ELMO1: variants seen among roughly 807,000 people sequenced by gnomAD.
ELMO1 encodes engulfment and cell motility protein 1.
A neutral mutation model predicts 98.9 loss-of-function variants in ELMO1; 26 were observed. That is an observed-to-expected ratio of 0.26 (90% CI 0.19 to 0.36). ELMO1 has a LOEUF of 0.36. Among genes scored for constraint, ELMO1 ranks in the 10% least tolerant of loss-of-function variants. The pLI, the probability that ELMO1 is intolerant of heterozygous loss-of-function variation, is 1.00. For missense variants in ELMO1, 627 were observed against 935.2 expected (o/e 0.67, Z 4.30); for synonymous variants, 346 against 346.0 (o/e 1.00, Z 0.00).
chr7:37,192,952 T>TA (rs1167236103), intron 13 of ELMO1, among the ~76,000 whole-genome samples: 1 of 138,232 alleles, frequency 7.2e-6, no homozygotes, highest in Non-Finnish European at 1.5e-5. Context: ...TACATATATA[T>TA]TTTTTATATA....
rs1785055198 is a variant in ELMO1 at position 37,108,377 on chromosome 7, G to C, written c.1192-11650C>G. Among the ~76,000 whole-genome samples the C allele has an allele frequency of 2.0e-5, 3 of 152,064 alleles. No homozygotes were observed. The South Asian group carries it at 6.2e-4, about 31-fold the overall frequency. On this transcript the variant is annotated intron_variant, in intron 14 of 21. Transcript: ENST00000310758. ...CTGTCTCAATTTTCCCTCTCCTTCA[G>C]ACCCAATCCAGATGTCACTTTCTCC...
intron 15 of ELMO1, among the ~76,000 whole-genome samples, chr7:37,070,263 C>T (rs6955605): frequency 6.6e-6 from 1 of 152,126 alleles, no homozygotes; most frequent in African/African-American, 2.4e-5. Flanking sequence ...CTGCTTAAGT[C>T]TCTTCATTCT....
chr7:37,435,311 T>C (rs1482564555), intron 1 of ELMO1: 2 of 152,320 alleles, frequency 1.3e-5, no homozygotes, highest in East Asian at 3.9e-4. Flanking sequence ...AATACTCCTA[T>C]CCCTTTCCTG....
At chr7:36,902,765 C>A (rs569750659) in intron 16 of ELMO1, among the ~76,000 whole-genome samples, 3 of 152,302 alleles carry the variant, frequency 2.0e-5, no homozygotes, top group South Asian at 4.2e-4. Context: ...AGCTTGGGAA[C>A]CTGCATGTTG....
At chr7:37,084,272 T>C (rs1419772616) in intron 15 of ELMO1, among the ~76,000 whole-genome samples, 1 of 152,182 alleles carries the variant, frequency 6.6e-6, no homozygotes, top group Non-Finnish European at 1.5e-5. Context: ...GGTTTCAGGG[T>C]AAAATGCAAA....
chr7:37,247,406 C>G (rs1795072218), intron 6 of ELMO1, among the ~76,000 whole-genome samples: 1 of 152,142 alleles, frequency 6.6e-6, no homozygotes, highest in African/African-American at 2.4e-5. Flanking sequence ...AGGGTTACAC[C>G]AGGCCATCTT....
chr7:37,256,585 A>AAAAG (rs1562559179), intron 6 of ELMO1, among the ~76,000 whole-genome samples: 2 of 90,372 alleles, frequency 2.2e-5, no homozygotes, highest in African/African-American at 4.4e-5. Context: ...GAAAGGAGGG[A>AAAAG]GGGAGGGAAA....
intron 15 of ELMO1, chr7:37,033,328 ATACTTGCCACC>A: frequency 2.2e-6 from 1 of 451,114 alleles, no homozygotes; most frequent in South Asian, 1.6e-5. Flanking sequence ...GGGGATAAAA[ATACTTGCCACC>A]TACTTACCTC....
intron 6 of ELMO1, among the ~76,000 whole-genome samples, chr7:37,256,950 GCCTAT>G (rs1795697278): frequency 6.6e-6 from 1 of 152,102 alleles, no homozygotes; most frequent in African/African-American, 2.4e-5. Context: ...CATAATAAAT[GCCTAT>G]CCTGACACTG....
At chr7:37,009,190 G>A (rs1292108060) in intron 16 of ELMO1, among the ~76,000 whole-genome samples, 1 of 152,070 alleles carries the variant, frequency 6.6e-6, no homozygotes, top group African/African-American at 2.4e-5. Flanking sequence ...AAATGATTAT[G>A]GGGCTACTTG....
intron 1 of ELMO1, among the ~76,000 whole-genome samples, chr7:37,371,543 G>T (rs1358689918): frequency 6.6e-6 from 1 of 152,098 alleles, no homozygotes; most frequent in African/African-American, 2.4e-5. Flanking sequence ...AAATGGGGGG[G>T]TTCCTTCAGT....
intron 15 of ELMO1, among the ~76,000 whole-genome samples, chr7:37,073,618 A>T (rs571308808): frequency 6.6e-6 from 1 of 150,826 alleles, no homozygotes; most frequent in Non-Finnish European, 1.5e-5. Flanking sequence ...TTCCTTAGAG[A>T]CAGGGTCTTG....
intron 1 of ELMO1, among the ~76,000 whole-genome samples, chr7:37,380,770 C>A (rs1298245490): frequency 6.6e-6 from 1 of 152,198 alleles, no homozygotes; most frequent in East Asian, 1.9e-4. Flanking sequence ...AAGACACTTT[C>A]TTTGATACAT....
intron 1 of ELMO1, among the ~76,000 whole-genome samples, chr7:37,424,234 T>A (rs1804613296): frequency 6.6e-6 from 1 of 152,230 alleles, no homozygotes; most frequent in South Asian, 2.1e-4. Context: ...TACCTTTTCC[T>A]GCCAGCACTG....
chr7:37,231,922 G>A (rs895684956), intron 8 of ELMO1, among the ~76,000 whole-genome samples: 4 of 151,872 alleles, frequency 2.6e-5, no homozygotes, highest in Admixed American at 1.3e-4. Flanking sequence ...GTGCAATGTC[G>A]GCTCACTGCA....
At chr7:37,228,445 A>C (rs112097786) in intron 8 of ELMO1, among the ~76,000 whole-genome samples, 1 of 152,328 alleles carries the variant, frequency 6.6e-6, no homozygotes, top group Admixed American at 6.5e-5. Flanking sequence ...CAAGTGAGCC[A>C]ACCCAAGCCA....
intron 4 of ELMO1, among the ~76,000 whole-genome samples, chr7:37,288,763 G>A (rs569250271): frequency 6.6e-6 from 1 of 152,294 alleles, no homozygotes; most frequent in East Asian, 1.9e-4. Context: ...AAGGCCTTAA[G>A]CCCTCAATTC....
At chr7:36,895,879 G>A (rs945384686) in intron 16 of ELMO1, among the ~76,000 whole-genome samples, 3 of 152,196 alleles carry the variant, frequency 2.0e-5, no homozygotes, top group Non-Finnish European at 2.9e-5. Context: ...TGTGGTAGGT[G>A]CTTTATCTAT....
chr7:37,154,521 A>G (rs1322614830), intron 13 of ELMO1, among the ~76,000 whole-genome samples: 1 of 152,254 alleles, frequency 6.6e-6, no homozygotes, highest in Non-Finnish European at 1.5e-5. Context: ...TGAAGCATAC[A>G]CAAGCTTCAA....
Sources: gnomAD v4.1 joint callset for allele counts (sites outside exome capture counted in the v4.1 genomes callset) on GRCh38, gnomAD v4.1.1 for gene constraint, MANE v1.5 for transcripts, NCBI Gene and HGNC (gene_info 2026-07-23, HGNC 2026-07-21) for gene names.